The following SLIT3 variants were observed in gnomAD, a reference collection of about 807,000 sequenced individuals.
The protein encoded by SLIT3 is slit homolog 3 protein.
SLIT3 carries 68 observed loss-of-function variants against 184.0 expected under a neutral mutation model. The observed-to-expected ratio is 0.37, with a 90% CI of 0.30 to 0.45. The LOEUF (loss-of-function observed/expected upper bound fraction) is 0.45, where lower values mean the gene tolerates loss of function less well. SLIT3 is among the 20% of genes least tolerant of loss of function. The probability of loss-of-function intolerance (pLI) is 1.00; values close to 1 mark genes in which losing one functional copy is unlikely to be tolerated. For synonymous variants in SLIT3, 831 were observed against 828.6 expected (o/e 1.00, Z -0.05); for missense variants, 1,707 against 2,026.0 (o/e 0.84, Z 3.02).
At chr5:169,084,608 T>C (rs1232267516) in intron 4 of SLIT3, among the ~76,000 whole-genome samples, 1 of 152,136 alleles carries the variant, frequency 6.6e-6, no homozygotes, top group African/African-American at 2.4e-5. Flanking sequence ...GTGCCCAGCC[T>C]CAAAATTGGG....
At chr5:169,193,667 G>GTC in intron 3 of SLIT3, 117 bp from the exon 4 acceptor site, 1 of 804,990 alleles carries the variant, frequency 1.2e-6, no homozygotes, top group Non-Finnish European at 2.2e-6. Context: ...GACTCTCTAC[G>GTC]TCTTTCAGTA....
Position 169,300,503 on chromosome 5 carries a change from G to A in SLIT3, c.197+10C>T. 6.7e-7 allele frequency: 1 copy of A among 1,489,644 alleles called. No individual in the cohort carries two copies. The highest frequency in any genetic ancestry group is 8.9e-7 in the Non-Finnish European group (1 of 1,122,258). 92.3% of individuals were successfully genotyped at this position (1,489,644 alleles called of 1,614,324 possible). A position where few individuals can be genotyped will look rare whatever the true frequency, so the allele number is the denominator to read the frequency against. Reference sequence around the variant, plus strand: ...GGGTGGCCCGCGTGGGGTGGGGCAGGGGTACTCACAGGCGCTCAGCGTTGC... The same window carrying A: ...GGGTGGCCCGCGTGGGGTGGGGCAGAGGTACTCACAGGCGCTCAGCGTTGC... On this transcript the variant is annotated intron_variant, in intron 1 of 35. Coordinates refer to ENST00000519560, the MANE Select transcript of SLIT3 (RefSeq NM_003062.4). The surrounding 1 kb of genome is among the most constrained non-coding windows in gnomAD (Gnocchi z 4.1).
chr5:169,036,655 A>AGTAATTTT (rs1757262956), intron 4 of SLIT3, among the ~76,000 whole-genome samples: 1 of 146,198 alleles, frequency 6.8e-6, no homozygotes, highest in Non-Finnish European at 1.5e-5. Context: ...CCTTGTTAAT[A>AGTAATTTT]GTAATTTTTT....
intron 3 of SLIT3, among the ~76,000 whole-genome samples, chr5:169,237,030 C>T (rs1187171259): frequency 6.6e-6 from 1 of 152,152 alleles, no homozygotes; most frequent in Admixed American, 6.5e-5. Context: ...TGTACAGTGT[C>T]TCAGAACTGT....
chr5:168,869,514 T>C (rs1024645312), intron 5 of SLIT3, among the ~76,000 whole-genome samples: 1 of 152,188 alleles, frequency 6.6e-6, no homozygotes, highest in Non-Finnish European at 1.5e-5. Flanking sequence ...AGAAGGAAAG[T>C]CTCTGAGGCT....
At chr5:168,738,111 C>T (rs539710884) in intron 20 of SLIT3, among the ~76,000 whole-genome samples, 1 of 152,312 alleles carries the variant, frequency 6.6e-6, no homozygotes, top group Admixed American at 6.5e-5. Flanking sequence ...AAAGTGTCAT[C>T]CATAGACCCC....
chr5:168,739,774 A>G (rs1412221619), intron 20 of SLIT3, among the ~76,000 whole-genome samples: 4 of 152,144 alleles, frequency 2.6e-5, no homozygotes, highest in Non-Finnish European at 5.9e-5. Context: ...TTTCTGTGTG[A>G]AGCCAAATTT....
At chr5:169,141,491 G>C (rs952881098) in intron 4 of SLIT3, among the ~76,000 whole-genome samples, 9 of 151,570 alleles carry the variant, frequency 5.9e-5, no homozygotes, top group Non-Finnish European at 1.0e-4. Context: ...TGTAATCCCA[G>C]TACTTTGGGA....
Position 169,270,196 on chromosome 5 carries a change from A to G in SLIT3, c.198-18737T>C, listed in dbSNP as rs61591574. 4.5e-3 allele frequency among the ~76,000 whole-genome samples: 684 copies of G among 152,304 alleles called. 3 individuals carry two copies. The highest frequency in any genetic ancestry group is 0.015 in the African/African-American group (629 of 41,574). On this transcript the variant is annotated intron_variant, in intron 1 of 35. Transcript: ENST00000519560. The stretch of plus-strand genomic sequence containing the variant: ...GTCCCCAAGTCATCCAGCACACCTG[A>G]AAGAGTATACAGTAATTCATTCAAT...
intron 14 of SLIT3, among the ~76,000 whole-genome samples, chr5:168,769,990 G>T (rs1295329707): frequency 6.6e-6 from 1 of 152,108 alleles, no homozygotes; most frequent in Non-Finnish European, 1.5e-5. Flanking sequence ...GCCGTCTTTG[G>T]ACACTTTGCG....
At chr5:169,094,032 A>G (rs945507558) in intron 4 of SLIT3, among the ~76,000 whole-genome samples, 2 of 152,222 alleles carry the variant, frequency 1.3e-5, no homozygotes, top group Admixed American at 1.3e-4. Context: ...TCCTAACAAC[A>G]CTATGAAGTA....
Position 169,294,356 on chromosome 5 carries a change from A to G in SLIT3, c.197+6157T>C, listed in dbSNP as rs1308767229. On this transcript the variant is annotated intron_variant, in intron 1 of 35. Transcript: ENST00000519560. ...GCATTCCTTATTTAAATATACCACA[A>G]AGCAACACACCCATGGAAAAGATAT... Among the ~76,000 whole-genome samples, 3 of 152,192 alleles carry G rather than the reference A, an allele frequency of 2.0e-5. No homozygotes were observed. In the East Asian group the frequency reaches 5.8e-4, roughly 29 times the overall value.
chr5:168,919,334 T>C (rs1244765369), intron 4 of SLIT3, among the ~76,000 whole-genome samples: 1 of 152,058 alleles, frequency 6.6e-6, no homozygotes, highest in Non-Finnish European at 1.5e-5. Context: ...TTAGCAGTAC[T>C]AGAAACAATT....
chr5:168,962,088 C>T (rs1763031664), intron 4 of SLIT3, among the ~76,000 whole-genome samples: 1 of 152,058 alleles, frequency 6.6e-6, no homozygotes, highest in African/African-American at 2.4e-5. Flanking sequence ...TGGTGATCTA[C>T]CTGCTGGAAT....
At chr5:168,786,638 G>T (rs1756163715) in intron 11 of SLIT3, among the ~76,000 whole-genome samples, 1 of 152,076 alleles carries the variant, frequency 6.6e-6, no homozygotes, top group Non-Finnish European at 1.5e-5. Flanking sequence ...TTCTCTTACG[G>T]GCCTCCAGTG....
At chr5:169,097,184 T>A (rs1759818690) in intron 4 of SLIT3, among the ~76,000 whole-genome samples, 1 of 152,228 alleles carries the variant, frequency 6.6e-6, no homozygotes, top group Non-Finnish European at 1.5e-5. Flanking sequence ...ATTTGCTGTC[T>A]CTACCTGAAA....
intron 4 of SLIT3, among the ~76,000 whole-genome samples, chr5:168,989,890 G>A (rs967620328): frequency 1.3e-5 from 2 of 152,166 alleles, no homozygotes; most frequent in African/African-American, 2.4e-5. Context: ...TGTCCCCTGA[G>A]GTCCCTTTTA....
At chr5:169,273,693 C>A (rs1398581320) in intron 1 of SLIT3, among the ~76,000 whole-genome samples, 2 of 152,122 alleles carry the variant, frequency 1.3e-5, no homozygotes, top group African/African-American at 4.8e-5. Context: ...CCAACTTATG[C>A]TTTGAGGCTG....
chr5:169,193,585 G>A lies in SLIT3; in HGVS notation c.342-35C>T, dbSNP rs922263371. ...AAAGAGAATGGAAGGATGTCAAGGG[G>A]ACATTAAACCAGATCAAACGTATTC... is the stretch of plus-strand genomic sequence containing the variant. On this transcript the variant is annotated intron_variant, in intron 3 of 35. Transcript: ENST00000519560. 3.3e-6 allele frequency: 5 copies of A among 1,519,310 alleles called. No homozygotes were observed. In the African/African-American group the frequency reaches 4.1e-5, roughly 12 times the overall value. 94.1% of individuals were successfully genotyped at this position (1,519,310 alleles called of 1,614,324 possible). A position where few individuals can be genotyped will look rare whatever the true frequency, so the allele number is the denominator to read the frequency against.
Sources: gnomAD v4.1 joint callset for allele counts (sites outside exome capture counted in the v4.1 genomes callset) on GRCh38, gnomAD v4.1.1 for gene constraint, Gnocchi (gnomAD v3.1) non-coding constraint, MANE v1.5 for transcripts, NCBI Gene and HGNC (gene_info 2026-07-23, HGNC 2026-07-21) for gene names.